Variants in PCLO observed in about 807,000 individuals in gnomAD.
PCLO encodes protein piccolo.
A neutral mutation model predicts 427.5 loss-of-function variants in PCLO; 82 were observed. That is an observed-to-expected ratio of 0.19 (90% CI 0.16 to 0.23). The LOEUF is 0.23. PCLO is among the 10% of genes least tolerant of loss of function. PCLO has a pLI of 1.00. For synonymous variants in PCLO, 2,357 were observed against 2,155.4 expected, an observed-to-expected ratio of 1.09 and a Z score of -2.59; for missense variants, 6,239 against 6,115.9, an observed-to-expected ratio of 1.02 and a Z score of -0.67.
intron 2 of PCLO, among the ~76,000 whole-genome samples, chr7:83,152,073 T>C (rs1792147481): frequency 6.6e-6 from 1 of 151,934 alleles, no homozygotes; most frequent in Admixed American, 6.6e-5. Flanking sequence ...CAGGCCATTC[T>C]CCTGCTTCAG....
chr7:82,828,587 T>C (rs1292237050), intron 16 of PCLO, among the ~76,000 whole-genome samples: 1 of 152,198 alleles, frequency 6.6e-6, no homozygotes, highest in Non-Finnish European at 1.5e-5. Flanking sequence ...CCTCAATTAT[T>C]AGAACTTGGG....
At position 82,887,209 on chromosome 7, in the gene PCLO, C is replaced by T. The variant is rs542703947; in HGVS notation, c.13529-7747G>A. 2.0e-5 allele frequency among the ~76,000 whole-genome samples: 3 copies of T among 152,224 alleles called. No homozygotes were observed. The East Asian group carries it at 5.8e-4, about 29-fold the overall frequency. ...TGAGACTGCTAAGGAGGGTTAGAAA[C>T]TTGCTGTAGGATGTCCAGCATACAA... is the stretch of plus-strand genomic sequence containing the variant. On this transcript the variant is annotated intron_variant, in intron 9 of 24. Transcript: ENST00000333891.
intron 3 of PCLO, among the ~76,000 whole-genome samples, chr7:83,087,923 T>A (rs1790280009): frequency 1.3e-5 from 2 of 152,222 alleles, no homozygotes; most frequent in African/African-American, 4.8e-5. Context: ...ATTTTGTGTT[T>A]AACTGCATTA....
At chr7:82,989,732 T>C (rs1475001299) in intron 3 of PCLO, among the ~76,000 whole-genome samples, 2 of 152,158 alleles carry the variant, frequency 1.3e-5, no homozygotes, top group African/African-American at 2.4e-5. Flanking sequence ...TTTTGAAATA[T>C]CAACTGATAC....
chr7:82,979,988 G>T (rs10487651), intron 3 of PCLO, among the ~76,000 whole-genome samples: 11,213 of 152,148 alleles, frequency 0.074, 1,403 homozygotes, highest in African/African-American at 0.26. Context: ...GATATTTACT[G>T]ATGGATCCTA....
chr7:82,768,473 T>G (rs992172243), intron 22 of PCLO, among the ~76,000 whole-genome samples: 14 of 152,112 alleles, frequency 9.2e-5, no homozygotes, highest in African/African-American at 3.4e-4. Flanking sequence ...CTCAATATTT[T>G]AAATTTTGTC....
At chr7:83,120,755 A>T (rs1385637881) in intron 3 of PCLO, among the ~76,000 whole-genome samples, 1 of 152,194 alleles carries the variant, frequency 6.6e-6, no homozygotes, top group Non-Finnish European at 1.5e-5. Context: ...ACCTTCAAAC[A>T]TGAAGGAGAA....
At chr7:82,838,854 T>G (rs1025348127) in intron 14 of PCLO, among the ~76,000 whole-genome samples, 1 of 152,002 alleles carries the variant, frequency 6.6e-6, no homozygotes, top group South Asian at 2.1e-4. Flanking sequence ...TACTTTTTAA[T>G]GTTATATTAT....
At position 82,822,627 on chromosome 7, in the gene PCLO, CTGA is replaced by C; in HGVS notation, c.14656_14658del (p.Ser4886del). 6.2e-7 allele frequency: 1 copy of C among 1,613,768 alleles called. No individual in the cohort carries two copies. On this transcript the variant is annotated inframe_deletion, in exon 20 of 25. Transcript: ENST00000333891. ...GGTCCATGAGAACGGAGATGGCCTT[CTGA>C]TGATGATTTTGAGCTACCAGGACTA...
chr7:83,119,076 G>C (rs1791208525), intron 3 of PCLO, among the ~76,000 whole-genome samples: 1 of 152,136 alleles, frequency 6.6e-6, no homozygotes, highest in African/African-American at 2.4e-5. Context: ...CCTAACTCCT[G>C]GATGGCATTT....
chr7:83,137,700 G>A (rs1275178499), intron 2 of PCLO, among the ~76,000 whole-genome samples: 1 of 151,108 alleles, frequency 6.6e-6, no homozygotes, highest in Non-Finnish European at 1.5e-5. Context: ...CAAAGTGCTG[G>A]GATTACACAG....
intron 3 of PCLO, among the ~76,000 whole-genome samples, chr7:82,968,653 G>A (rs974583143): frequency 1.1e-4 from 16 of 151,430 alleles, no homozygotes; most frequent in Non-Finnish European, 2.1e-4. Flanking sequence ...CTGAGTAGCT[G>A]GGATTACAGG....
chr7:82,851,442 C>T (rs947670739), intron 10 of PCLO, among the ~76,000 whole-genome samples: 4 of 151,578 alleles, frequency 2.6e-5, no homozygotes, highest in African/African-American at 4.9e-5. Context: ...TTAAATAACA[C>T]GCGCACAAAA....
At chr7:82,990,004 T>C (rs1485498134) in intron 3 of PCLO, among the ~76,000 whole-genome samples, 1 of 152,128 alleles carries the variant, frequency 6.6e-6, no homozygotes, top group Admixed American at 6.5e-5. Flanking sequence ...AAAGATTTCC[T>C]AGGATCAAGT....
chr7:82,784,197 C>T (rs1314453361), intron 22 of PCLO, among the ~76,000 whole-genome samples: 1 of 152,076 alleles, frequency 6.6e-6, no homozygotes, highest in African/African-American at 2.4e-5. Context: ...CAATACTGTC[C>T]CACACCATGT....
intron 6 of PCLO, among the ~76,000 whole-genome samples, chr7:82,917,095 G>A (rs1396363178): frequency 2.0e-5 from 3 of 151,944 alleles, no homozygotes; most frequent in African/African-American, 7.2e-5. Context: ...TCCTACATTA[G>A]CAGTTATAAA....
intron 3 of PCLO, among the ~76,000 whole-genome samples, chr7:83,025,845 A>G (rs1788480504): frequency 6.6e-6 from 1 of 152,106 alleles, no homozygotes; most frequent in Non-Finnish European, 1.5e-5. Flanking sequence ...TTTCATATCC[A>G]GCCAAACTAA....
chr7:82,761,564 T>C (rs1280347482), intron 22 of PCLO, 71 bp from the exon 23 acceptor site: 3 of 1,084,884 alleles, frequency 2.8e-6, no homozygotes, highest in Admixed American at 2.1e-5. Context: ...CAGTAATTCA[T>C]TCATACATTC....
chr7:83,118,513 T>C (rs544651135), intron 3 of PCLO, among the ~76,000 whole-genome samples: 2 of 148,590 alleles, frequency 1.3e-5, no homozygotes, highest in South Asian at 2.2e-4. Context: ...GCAGTGAGCA[T>C]AGAGAGAGAA....
Sources: allele counts gnomAD v4.1 joint callset (sites outside exome capture counted in the v4.1 genomes callset), GRCh38; gene constraint gnomAD v4.1.1; transcripts MANE v1.5; gene names NCBI Gene and HGNC (gene_info 2026-07-23, HGNC 2026-07-21).